RPH3AL: variants seen among roughly 807,000 people sequenced by gnomAD.
RPH3AL encodes the protein rabphilin 3A like (without C2 domains).
A neutral mutation model predicts 43.1 loss-of-function variants in RPH3AL; 38 were observed. The observed-to-expected ratio is 0.88, with a 90% confidence interval of 0.68 to 1.15. The LOEUF (loss-of-function observed/expected upper bound fraction) is 1.15. RPH3AL is among the 50% of genes most tolerant of loss of function. The pLI is 0.00. For missense variants in RPH3AL, 462 were observed against 423.2 expected (o/e 1.09, Z -0.81); for synonymous variants, 189 against 176.3 (o/e 1.07, Z -0.57).
chr17:347,683 A>G (rs2045266551), intron 1 of RPH3AL, among the ~76,000 whole-genome samples: 1 of 152,234 alleles, frequency 6.6e-6, no homozygotes, highest in Non-Finnish European at 1.5e-5. Context: ...GTATATGCAA[A>G]TGAACTGAAC....
At chr17:222,238 C>T (rs2041009236) in intron 7 of RPH3AL, among the ~76,000 whole-genome samples, 1 of 152,254 alleles carries the variant, frequency 6.6e-6, no homozygotes, top group South Asian at 2.1e-4. Context: ...AGCATTACCC[C>T]CATTTCACAG....
At chr17:281,098 C>T (rs2151605498) in intron 6 of RPH3AL, among the ~76,000 whole-genome samples, 1 of 152,272 alleles carries the variant, frequency 6.6e-6, no homozygotes, top group East Asian at 1.9e-4. Context: ...CTGACTGTCC[C>T]TGCCCATCTG....
intron 5 of RPH3AL, among the ~76,000 whole-genome samples, chr17:293,792 G>T (rs1044202090): frequency 2.0e-5 from 3 of 151,928 alleles, no homozygotes; most frequent in African/African-American, 7.3e-5. Flanking sequence ...AATTTGGGAG[G>T]CTGAGGTGGG....
intron 7 of RPH3AL, among the ~76,000 whole-genome samples, chr17:229,880 G>T (rs1452144355): frequency 6.6e-6 from 1 of 152,188 alleles, no homozygotes; most frequent in Non-Finnish European, 1.5e-5. Context: ...CTTAGGGAGG[G>T]GTCCACTGGC....
chr17:266,270 C>A (rs1166664139), intron 6 of RPH3AL, among the ~76,000 whole-genome samples: 3 of 151,606 alleles, frequency 2.0e-5, no homozygotes, highest in African/African-American at 7.3e-5. Flanking sequence ...GGGAGAAAGC[C>A]CCCATCATCC....
chr17:337,434 C>T (rs568331966), intron 1 of RPH3AL, among the ~76,000 whole-genome samples: 51 of 152,280 alleles, frequency 3.3e-4, no homozygotes, highest in Non-Finnish European at 5.1e-4. Flanking sequence ...AACCGCCTCA[C>T]GGCATAAGGC....
intron 7 of RPH3AL, among the ~76,000 whole-genome samples, chr17:244,220 A>C (rs2041685176): frequency 6.9e-6 from 1 of 143,896 alleles, no homozygotes; most frequent in Non-Finnish European, 1.5e-5. Flanking sequence ...ACCTTCCTCT[A>C]TTGATTACCC....
chr17:321,181 C>G, intron 4 of RPH3AL, 91 bp downstream of exon 4: 1 of 1,476,586 alleles, frequency 6.8e-7, no homozygotes, highest in Non-Finnish European at 9.1e-7. Flanking sequence ...AATAGCAAAA[C>G]CAGGACCCGG....
At chr17:286,067 G>A (rs2042902044) in intron 5 of RPH3AL, among the ~76,000 whole-genome samples, 1 of 152,198 alleles carries the variant, frequency 6.6e-6, no homozygotes, top group African/African-American at 2.4e-5. Flanking sequence ...GTGCTCGGCT[G>A]CCCTGTGGGG....
At chr17:308,789 G>A (rs1202567700) in intron 5 of RPH3AL, among the ~76,000 whole-genome samples, 1 of 152,188 alleles carries the variant, frequency 6.6e-6, no homozygotes, top group Non-Finnish European at 1.5e-5. Context: ...TTGAGTAGCA[G>A]AGACCCCATC....
chr17:262,304 C>T (rs371302574), intron 6 of RPH3AL, among the ~76,000 whole-genome samples: 33 of 152,178 alleles, frequency 2.2e-4, no homozygotes, highest in East Asian at 1.9e-3. Flanking sequence ...CTGCAACCTC[C>T]GCCTCCCGGG....
chr17:300,363 C>A (rs1370089557), intron 5 of RPH3AL, among the ~76,000 whole-genome samples: 3 of 36,246 alleles, frequency 8.3e-5, no homozygotes, highest in Non-Finnish European at 1.5e-4. Context: ...CCCGCTCTAG[C>A]AGGGGCTGGC....
At chr17:301,052 C>G (rs1284523009) in intron 5 of RPH3AL, among the ~76,000 whole-genome samples, 1 of 152,260 alleles carries the variant, frequency 6.6e-6, no homozygotes, top group Non-Finnish European at 1.5e-5. Context: ...TGGGACAGAC[C>G]AGGGCAAGGC....
In RPH3AL at chr17:289,587, C is replaced by T. The variant is rs1011608670; in HGVS notation, c.352-7733G>A. ...AATCATGTCACCTCTCCCATCCCTC[C>T]CAACTTAAAAGCCATCAGAGGCTTC... On this transcript the variant is annotated intron_variant, in intron 5 of 9. Coordinates refer to ENST00000331302, the MANE Select transcript of RPH3AL (RefSeq NM_006987.4). The surrounding 1 kb of genome is among the most constrained non-coding windows in gnomAD (Gnocchi z 5.2). Among the ~76,000 whole-genome samples, 3 of 152,192 alleles carry T rather than the reference C, an allele frequency of 2.0e-5. No homozygotes were observed. The highest frequency in any genetic ancestry group is 4.4e-5 in the Non-Finnish European group (3 of 68,050).
At chr17:233,783 C>G (rs115729759) in intron 7 of RPH3AL, among the ~76,000 whole-genome samples, 1 of 150,990 alleles carries the variant, frequency 6.6e-6, no homozygotes, top group African/African-American at 2.5e-5. Flanking sequence ...TCAGAGACAA[C>G]AGGGCCGGGT....
intron 7 of RPH3AL, among the ~76,000 whole-genome samples, chr17:220,529 A>G (rs1355236148): frequency 2.0e-5 from 1 of 48,836 alleles, no homozygotes; most frequent in Admixed American, 1.5e-4. Flanking sequence ...TCACTGAGAC[A>G]ATAGACCCAA....
chr17:314,771 G>T (rs2043852645), intron 5 of RPH3AL, among the ~76,000 whole-genome samples: 1 of 28,218 alleles, frequency 3.5e-5, no homozygotes, highest in African/African-American at 8.0e-5. Flanking sequence ...TAGTCTCTGT[G>T]ACCCCACCTC....
chr17:219,869 G>C lies in RPH3AL; in HGVS notation c.614-133C>G. The C allele has an allele frequency of 6.1e-6, 4 of 654,468 alleles. No individual in the cohort carries two copies. In the Admixed American group the frequency reaches 9.2e-5, roughly 15 times the overall value. The allele number at this position is 654,468 out of a possible 1,614,324, so 40.5% of individuals were successfully genotyped here. On this transcript the variant is annotated intron_variant, in intron 7 of 9. Coordinates refer to ENST00000331302, the MANE Select transcript of RPH3AL (RefSeq NM_006987.4). ...GCAGCTCAGCTGGCCCTTTCGCTTTGGGCAGAAGAAATAATGGCCTGGGGA... is the reference window on the plus strand; with the variant it reads ...GCAGCTCAGCTGGCCCTTTCGCTTTCGGCAGAAGAAATAATGGCCTGGGGA...
At chr17:315,157 C>T (rs1230528820) in intron 5 of RPH3AL, among the ~76,000 whole-genome samples, 1 of 150,374 alleles carries the variant, frequency 6.7e-6, no homozygotes. Context: ...GACCTGTAGT[C>T]CCTGTGCCCC....
Sources: gnomAD v4.1 joint callset for allele counts (sites outside exome capture counted in the v4.1 genomes callset) on GRCh38, gnomAD v4.1.1 for gene constraint, Gnocchi (gnomAD v3.1) non-coding constraint, MANE v1.5 for transcripts, NCBI Gene and HGNC (gene_info 2026-07-23, HGNC 2026-07-21) for gene names.